SPOCK3: variants seen among roughly 807,000 people sequenced by gnomAD.
The protein encoded by SPOCK3 is SPARC (osteonectin), cwcv and kazal like domains proteoglycan 3, also known as testican-3.
SPOCK3 carries 30 observed loss-of-function variants against 56.6 expected under a neutral mutation model. The observed-to-expected ratio is 0.53, with a 90% CI of 0.40 to 0.72. The LOEUF (loss-of-function observed/expected upper bound fraction) is 0.72. SPOCK3 is among the 30% of genes least tolerant of loss of function. The pLI is 0.00. For missense variants in SPOCK3, 527 were observed against 530.0 expected (o/e 0.99, Z 0.06); for synonymous variants, 196 against 183.3 (o/e 1.07, Z -0.56).
At chr4:167,055,445 T>C (rs1561166643) in intron 3 of SPOCK3, among the ~76,000 whole-genome samples, 1 of 152,136 alleles carries the variant, frequency 6.6e-6, no homozygotes, top group South Asian at 2.1e-4. Context: ...TGCCAGACAG[T>C]GGGCGCAGGA....
At chr4:166,917,672 A>C (rs1292930967) in intron 4 of SPOCK3, among the ~76,000 whole-genome samples, 1 of 152,056 alleles carries the variant, frequency 6.6e-6, no homozygotes, top group Non-Finnish European at 1.5e-5. Flanking sequence ...ATGGTTTTAT[A>C]AGTGTTTGGA....
intron 2 of SPOCK3, among the ~76,000 whole-genome samples, chr4:167,101,638 C>T (rs1472003002): frequency 6.6e-6 from 1 of 151,986 alleles, no homozygotes; most frequent in Non-Finnish European, 1.5e-5. Flanking sequence ...CCTATCTCTC[C>T]AGGTTGTTTC....
chr4:166,744,427 G>A (rs1579092747), intron 8 of SPOCK3, among the ~76,000 whole-genome samples: 2 of 152,120 alleles, frequency 1.3e-5, no homozygotes, highest in African/African-American at 4.8e-5. Context: ...AATCAGAAAG[G>A]AATAGCAGTA....
At chr4:166,990,983 T>A (rs1178207217) in intron 4 of SPOCK3, among the ~76,000 whole-genome samples, 1 of 152,144 alleles carries the variant, frequency 6.6e-6, no homozygotes, top group East Asian at 1.9e-4. Flanking sequence ...AAGTACTAAT[T>A]GCTTTAAAGT....
In SPOCK3 at chr4:167,167,471, T is replaced by C. The variant is rs372898128; in HGVS notation, c.189+66514A>G. ...TGTAATTACCTTGAGTCAAACTCCA[T>C]CTGCCTATTAAAATACTTTCAGAAA... On this transcript the variant is annotated intron_variant, in intron 2 of 10. Transcript: ENST00000357545. Among the ~76,000 whole-genome samples the C allele has an allele frequency of 3.3e-5, 5 of 152,312 alleles. No individual in the cohort carries two copies. In the East Asian group the frequency reaches 5.8e-4, roughly 18 times the overall value.
chr4:166,747,196 G>A (rs1483879686), intron 8 of SPOCK3, among the ~76,000 whole-genome samples: 1 of 152,120 alleles, frequency 6.6e-6, no homozygotes, highest in African/African-American at 2.4e-5. Flanking sequence ...GAGAATTTCA[G>A]GCCAACATCG....
intron 7 of SPOCK3, among the ~76,000 whole-genome samples, chr4:166,766,939 T>G (rs942315300): frequency 1.3e-5 from 2 of 151,994 alleles, no homozygotes; most frequent in South Asian, 2.1e-4. Flanking sequence ...GTCGAGGAAT[T>G]TATCCATTTC....
At chr4:167,140,973 T>G (rs1763481269) in intron 2 of SPOCK3, among the ~76,000 whole-genome samples, 1 of 152,010 alleles carries the variant, frequency 6.6e-6, no homozygotes, top group South Asian at 2.1e-4. Context: ...TTAATCTATT[T>G]ACTGTCAGTT....
At chr4:166,792,556 A>G (rs994010963) in intron 6 of SPOCK3, among the ~76,000 whole-genome samples, 1 of 152,180 alleles carries the variant, frequency 6.6e-6, no homozygotes, top group Admixed American at 6.6e-5. Context: ...TATTGATAAC[A>G]TCACAAAAAT....
At chr4:167,027,275 G>C (rs1484203185) in intron 3 of SPOCK3, among the ~76,000 whole-genome samples, 1 of 151,786 alleles carries the variant, frequency 6.6e-6, no homozygotes, top group African/African-American at 2.4e-5. Flanking sequence ...CTAAATTTCT[G>C]TTTCATGTTT....
At chr4:166,812,700 C>T (rs1743958680) in intron 6 of SPOCK3, among the ~76,000 whole-genome samples, 3 of 151,860 alleles carry the variant, frequency 2.0e-5, no homozygotes, top group Admixed American at 1.3e-4. Context: ...TTGGAATGAA[C>T]TTTTCTACTT....
At position 166,990,190 on chromosome 4, in the gene SPOCK3, T is replaced by C. The variant is rs371755035; in HGVS notation, c.350+10159A>G. Reference sequence around the variant, plus strand: ...CATCATCCTTTGTTCTATGGCTAGCTGTCTCTCTGCCCAAAACTGAATATC... The same window carrying C: ...CATCATCCTTTGTTCTATGGCTAGCCGTCTCTCTGCCCAAAACTGAATATC... On this transcript the variant is annotated intron_variant, in intron 4 of 10. Coordinates refer to ENST00000357545, the MANE Select transcript of SPOCK3 (RefSeq NM_001040159.2). Among the ~76,000 whole-genome samples, 33 of 152,286 alleles carry C rather than the reference T, an allele frequency of 2.2e-4. No individual in the cohort carries two copies. The South Asian group carries it at 6.8e-3, about 32-fold the overall frequency.
intron 2 of SPOCK3, among the ~76,000 whole-genome samples, chr4:167,197,417 T>C (rs1733058068): frequency 6.6e-6 from 1 of 152,154 alleles, no homozygotes; most frequent in Admixed American, 6.6e-5. Context: ...ACATTTTAAT[T>C]CATGACGTGA....
intron 8 of SPOCK3, among the ~76,000 whole-genome samples, chr4:166,748,687 G>GA: frequency 7.3e-6 from 1 of 137,368 alleles, no homozygotes; most frequent in East Asian, 2.0e-4. Context: ...ACTTCCTTCA[G>GA]AGTGAACAGG....
At chr4:167,078,396 A>T (rs1405299881) in intron 2 of SPOCK3, among the ~76,000 whole-genome samples, 1 of 137,896 alleles carries the variant, frequency 7.3e-6, no homozygotes, top group Non-Finnish European at 1.5e-5. Flanking sequence ...AATGTTGGGA[A>T]GGAATGGGGA....
chr4:166,989,043 A>G (rs1317324222), intron 4 of SPOCK3, among the ~76,000 whole-genome samples: 1 of 152,076 alleles, frequency 6.6e-6, no homozygotes. Context: ...ACCGAATGCT[A>G]AAACGGAAGG....
At chr4:167,084,298 T>G (rs1757988851) in intron 2 of SPOCK3, among the ~76,000 whole-genome samples, 1 of 152,154 alleles carries the variant, frequency 6.6e-6, no homozygotes, top group African/African-American at 2.4e-5. Flanking sequence ...GAAATGTACA[T>G]AATAACATTG....
chr4:166,825,508 CCAGT>C (rs1745366336), intron 6 of SPOCK3, among the ~76,000 whole-genome samples: 1 of 152,012 alleles, frequency 6.6e-6, no homozygotes, highest in South Asian at 2.1e-4. Context: ...AGTAAAACTA[CCAGT>C]CAATCTAGCA....
intron 7 of SPOCK3, among the ~76,000 whole-genome samples, chr4:166,768,640 T>G (rs1162057566): frequency 6.6e-6 from 1 of 152,200 alleles, no homozygotes; most frequent in Non-Finnish European, 1.5e-5. Flanking sequence ...CATTTAAACT[T>G]TGATGAATCT....
Sources: gnomAD v4.1 joint callset for allele counts (sites outside exome capture counted in the v4.1 genomes callset) on GRCh38, gnomAD v4.1.1 for gene constraint, MANE v1.5 for transcripts, NCBI Gene and HGNC (gene_info 2026-07-23, HGNC 2026-07-21) for gene names.